The following RAB31 variants were observed in gnomAD, a reference collection of about 807,000 sequenced individuals.
RAB31 encodes RAB31, member RAS oncogene family, also known as ras-related protein Rab-31.
A neutral mutation model predicts 25.6 loss-of-function variants in RAB31; 21 were observed. The observed-to-expected ratio is 0.82, with a 90% CI of 0.58 to 1.18. The LOEUF (loss-of-function observed/expected upper bound fraction) is 1.18, where lower values mean the gene tolerates loss of function less well. Ranked by LOEUF, RAB31 falls within the 50% of genes most tolerant of loss-of-function variation. The probability of loss-of-function intolerance (pLI) is 0.00; values close to 1 mark genes in which losing one functional copy is unlikely to be tolerated. For synonymous variants in RAB31, 87 were observed against 84.0 expected (o/e 1.04, Z -0.20); for missense variants, 196 against 250.1 (o/e 0.78, Z 1.46).
At chr18:9,762,576 T>A (rs79211630) in intron 1 of RAB31, among the ~76,000 whole-genome samples, 2 of 151,484 alleles carry the variant, frequency 1.3e-5, no homozygotes, top group Non-Finnish European at 2.9e-5. Context: ...GTAATTATTA[T>A]TTTTTTTTAC....
intron 5 of RAB31, among the ~76,000 whole-genome samples, chr18:9,833,299 T>G (rs1316800689): frequency 6.6e-6 from 1 of 152,082 alleles, no homozygotes; most frequent in Admixed American, 6.5e-5. Context: ...TCCGGGGTGG[T>G]GCTTTGGCTC....
Position 9,766,716 on chromosome 18 carries a change from A to G in RAB31, c.40-8562A>G, listed in dbSNP as rs1185497964. On this transcript the variant is annotated intron_variant, in intron 1 of 6. Coordinates refer to ENST00000578921, the MANE Select transcript of RAB31 (RefSeq NM_006868.4). This position sits in a 1 kb window ranked among gnomAD's most constrained non-coding sequence, Gnocchi z 4.3. ...ACACCGGTAATCTCAGCACTTTGGG[A>G]GGCTGAGGTGGGGATCGCTTGAGGC... is the stretch of plus-strand genomic sequence containing the variant. Among the ~76,000 whole-genome samples the G allele has an allele frequency of 6.6e-6, 1 of 152,106 alleles. No homozygotes were observed. The highest frequency in any genetic ancestry group is 1.5e-5 in the Non-Finnish European group (1 of 68,024).
chr18:9,724,974 G>A (rs755205960), intron 1 of RAB31, among the ~76,000 whole-genome samples: 2 of 152,204 alleles, frequency 1.3e-5, no homozygotes, highest in Non-Finnish European at 2.9e-5. Flanking sequence ...TTGCTTACCT[G>A]TCTGGTGAGC....
intron 2 of RAB31, chr18:9,787,887 G>A (rs1464237939): frequency 6.6e-6 from 1 of 152,194 alleles, no homozygotes; most frequent in African/African-American, 2.4e-5. Context: ...CCCAAAGATC[G>A]AAACTGTAGA....
At chr18:9,719,298 A>AAAAAT (rs1568161256) in intron 1 of RAB31, among the ~76,000 whole-genome samples, 23 of 23,096 alleles carry the variant, frequency 1.0e-3, no homozygotes, top group Non-Finnish European at 1.3e-3. Context: ...AAAAAAAAAA[A>AAAAAT]ATATATATAT....
intron 1 of RAB31, among the ~76,000 whole-genome samples, chr18:9,721,038 C>A (rs1172974348): frequency 6.6e-6 from 1 of 151,968 alleles, no homozygotes; most frequent in Non-Finnish European, 1.5e-5. Flanking sequence ...GGAATGGTGA[C>A]CTCTTCATGG....
chr18:9,735,164 C>T (rs1348525025), intron 1 of RAB31, among the ~76,000 whole-genome samples: 1 of 152,082 alleles, frequency 6.6e-6, no homozygotes, highest in Non-Finnish European at 1.5e-5. Context: ...ATTATAGGCG[C>T]CTGCCACCAT....
intron 3 of RAB31, among the ~76,000 whole-genome samples, chr18:9,795,289 A>G (rs1398376674): frequency 6.6e-6 from 1 of 152,232 alleles, no homozygotes. Flanking sequence ...ATAAAATTCT[A>G]GAAGATAACA....
At chr18:9,788,697 G>A (rs2068445584) in intron 2 of RAB31, among the ~76,000 whole-genome samples, 1 of 152,236 alleles carries the variant, frequency 6.6e-6, no homozygotes, top group Admixed American at 6.5e-5. Flanking sequence ...CTGGCGTGGT[G>A]GCTCACACCT....
At chr18:9,775,493 C>T (rs2068367780) in intron 2 of RAB31, 136 bp downstream of exon 2, 2 of 1,458,464 alleles carry the variant, frequency 1.4e-6, no homozygotes, top group Non-Finnish European at 1.8e-6. Flanking sequence ...CAGCTGTAGA[C>T]CGACAGAAAT....
chr18:9,783,554 T>C (rs199689746), intron 2 of RAB31, among the ~76,000 whole-genome samples: 1 of 99,034 alleles, frequency 1.0e-5, no homozygotes, highest in Non-Finnish European at 2.1e-5. Flanking sequence ...CTGACTAACA[T>C]CAAAAGTGAA....
rs1379452206 is a variant in RAB31, at chr18:9,708,702, C to T, written c.39+258C>T. Among the ~76,000 whole-genome samples the T allele has an allele frequency of 6.6e-6, 1 of 152,022 alleles. No individual in the cohort carries two copies. Among genetic ancestry groups the T allele is most frequent in the East Asian group, 1.9e-4 (1 of 5,136 alleles). On this transcript the variant is annotated intron_variant, in intron 1 of 6. Transcript: ENST00000578921. The surrounding 1 kb of genome is among the most constrained non-coding windows in gnomAD (Gnocchi z 6.4). Reference sequence around the variant, plus strand: ...GCCTCCCCGCCGTCCGTGCGCCCCTCTGGTCCGCCCCCGCTCTCACCCTGC... The same window carrying T: ...GCCTCCCCGCCGTCCGTGCGCCCCTTTGGTCCGCCCCCGCTCTCACCCTGC...
At chr18:9,820,097 G>A (rs1406407190) in intron 5 of RAB31, among the ~76,000 whole-genome samples, 1 of 151,896 alleles carries the variant, frequency 6.6e-6, no homozygotes, top group African/African-American at 2.4e-5. Context: ...AAACAGCCTG[G>A]AATAAAAGTA....
chr18:9,722,051 G>A (rs2068076053), intron 1 of RAB31, among the ~76,000 whole-genome samples: 1 of 152,120 alleles, frequency 6.6e-6, no homozygotes, highest in Non-Finnish European at 1.5e-5. Context: ...AACAGCAGGC[G>A]AGCAGTGTGA....
chr18:9,816,631 T>C (rs369089424), intron 5 of RAB31, among the ~76,000 whole-genome samples: 15 of 152,200 alleles, frequency 9.9e-5, no homozygotes, highest in Non-Finnish European at 1.8e-4. Context: ...CCCAGTGGTA[T>C]TGGGTTATTG....
intron 5 of RAB31, among the ~76,000 whole-genome samples, chr18:9,830,034 G>A (rs1291993424): frequency 3.3e-5 from 4 of 121,962 alleles, no homozygotes; most frequent in Admixed American, 2.5e-4. Flanking sequence ...TTATTTTAGA[G>A]ATAGGGTCTT....
chr18:9,748,380 C>G (rs971034047), intron 1 of RAB31, among the ~76,000 whole-genome samples: 11 of 151,938 alleles, frequency 7.2e-5, no homozygotes, highest in African/African-American at 2.4e-4. Context: ...GTGGCATGGA[C>G]CGGTAGTCCC....
intron 1 of RAB31, among the ~76,000 whole-genome samples, chr18:9,713,119 A>C (rs2068026250): frequency 6.6e-6 from 1 of 152,218 alleles, no homozygotes. Flanking sequence ...GTGCAACCTC[A>C]CATGAGTTGC....
At chr18:9,753,634 C>T (rs1568170294) in intron 1 of RAB31, among the ~76,000 whole-genome samples, 1 of 152,192 alleles carries the variant, frequency 6.6e-6, no homozygotes, top group Non-Finnish European at 1.5e-5. Flanking sequence ...GAAGGCCTCT[C>T]CTGGTCCAGT....
Sources: gnomAD v4.1 joint callset for allele counts (sites outside exome capture counted in the v4.1 genomes callset) on GRCh38, gnomAD v4.1.1 for gene constraint, Gnocchi (gnomAD v3.1) non-coding constraint, MANE v1.5 for transcripts, NCBI Gene and HGNC (gene_info 2026-07-23, HGNC 2026-07-21) for gene names.